The following RBM5 variants were observed in gnomAD, a reference collection of about 807,000 sequenced individuals.
RBM5 encodes the protein RNA binding motif protein 5, also known as RNA-binding protein 5.
RBM5 carries 15 observed loss-of-function variants against 124.6 expected under a neutral mutation model. That is an observed-to-expected ratio of 0.12 (90% CI 0.08 to 0.19). RBM5 has a LOEUF of 0.19. Among genes scored for constraint, RBM5 ranks in the 10% least tolerant of loss-of-function variants. RBM5 has a pLI of 1.00. For synonymous variants in RBM5, 337 were observed against 361.2 expected (o/e 0.93, Z 0.76); for missense variants, 580 against 1,026.5 (o/e 0.57, Z 5.94).
At chr3:50,112,019 C>A (rs13099211) in intron 17 of RBM5, 2 of 149,860 alleles carry the variant, frequency 1.3e-5, no homozygotes, top group African/African-American at 4.9e-5. Flanking sequence ...CCATCCACTT[C>A]TCTCATTTGT....
chr3:50,100,665 A>G lies in RBM5; in HGVS notation c.483+60A>G. On this transcript the variant is annotated intron_variant, in intron 6 of 24. Coordinates refer to ENST00000347869, the MANE Select transcript of RBM5 (RefSeq NM_005778.4). This position sits in a 1 kb window ranked among gnomAD's most constrained non-coding sequence, Gnocchi z 5.1. ...AATGGAACAAGTCTGTACAATTTTAAAAAAAGGTTGAAGGAGTGGTTTGTT... is the reference window on the plus strand; with the variant it reads ...AATGGAACAAGTCTGTACAATTTTAGAAAAAGGTTGAAGGAGTGGTTTGTT... 1 of 1,432,806 alleles carries G rather than the reference A, an allele frequency of 7.0e-7. No homozygotes were observed. The highest frequency in any genetic ancestry group is 9.7e-7 in the Non-Finnish European group (1 of 1,025,918). 88.8% of individuals were successfully genotyped at this position (1,432,806 alleles called of 1,614,324 possible). A position where few individuals can be genotyped will look rare whatever the true frequency, so the allele number is the denominator to read the frequency against.
At chr3:50,109,489 T>TGAA (rs1196275519) in intron 14 of RBM5, 114 bp from the exon 15 acceptor site, 1 of 789,038 alleles carries the variant, frequency 1.3e-6, no homozygotes. Flanking sequence ...AGTTAGCTTA[T>TGAA]GAAGAACTGA....
intron 17 of RBM5, 155 bp downstream of exon 17, chr3:50,110,925 T>C (rs2109013064): frequency 1.6e-6 from 1 of 621,760 alleles, no homozygotes; most frequent in South Asian, 2.4e-5. Context: ...TATATGGAGA[T>C]TGTAAGTTTT....
intron 22 of RBM5, 117 bp from the exon 23 acceptor site, chr3:50,116,957 A>G (rs1029100467): frequency 2.3e-5 from 21 of 915,194 alleles, no homozygotes; most frequent in African/African-American, 3.3e-5. Context: ...AGAGCAGTCT[A>G]AAAAAAGCAT....
intron 18 of RBM5, 103 bp downstream of exon 18, chr3:50,113,647 G>A: frequency 7.7e-7 from 1 of 1,306,384 alleles, no homozygotes; most frequent in Middle Eastern, 2.5e-4. Context: ...TTAAAAATTG[G>A]GCTTCACATT....
At chr3:50,112,481 GAC>G (rs2091165745) in intron 17 of RBM5, 1 of 148,012 alleles carries the variant, frequency 6.8e-6, no homozygotes, top group Non-Finnish European at 1.5e-5. Flanking sequence ...ACCCAGAAGA[GAC>G]AGACACTGTC....
intron 8 of RBM5, chr3:50,104,855 T>G (rs2109003729): frequency 2.3e-6 from 1 of 443,538 alleles, no homozygotes; most frequent in Non-Finnish European, 4.0e-6. Context: ...GCATCTGCCT[T>G]TCTTTAGTGC....
intron 22 of RBM5, 183 bp from the exon 23 acceptor site, chr3:50,116,891 T>C (rs891431246): frequency 1.7e-6 from 1 of 598,930 alleles, no homozygotes; most frequent in South Asian, 2.0e-5. Context: ...ATTTACAAAT[T>C]TAACATTTCA....
chr3:50,093,131 T>A, intron 3 of RBM5: 1 of 142,596 alleles, frequency 7.0e-6, no homozygotes, highest in East Asian at 2.1e-4. Flanking sequence ...AGAGGGAGAC[T>A]CTGTCTCAAA....
In RBM5 at chr3:50,107,486, T is replaced by C; in HGVS notation, c.958T>C (p.Leu320=). Residue 320 remains leucine (L), a synonymous_variant, in exon 12 of 25, where the codon TTG becomes CTG. Coordinates refer to ENST00000347869, the MANE Select transcript of RBM5 (RefSeq NM_005778.4). ...ATTGGATCTTTGTGGTTTCAGAGACTTGGTCCTCTCAGATGGTAACCGCGT... is the reference window on the plus strand; with the variant it reads ...ATTGGATCTTTGTGGTTTCAGAGACCTGGTCCTCTCAGATGGTAACCGCGT... ...VDFAKSARKD[L]VLSDGNRVSA... 1 of 1,595,580 alleles carries C rather than the reference T, an allele frequency of 6.3e-7. No individual in the cohort carries two copies. Among genetic ancestry groups the C allele is most frequent in the Non-Finnish European group, 8.6e-7 (1 of 1,163,448 alleles).
At chr3:50,093,206 G>C (rs1000550384) in intron 3 of RBM5, among the ~76,000 whole-genome samples, 1 of 147,988 alleles carries the variant, frequency 6.8e-6, no homozygotes, top group African/African-American at 2.5e-5. Flanking sequence ...TTGGGAGGCC[G>C]AGGCGGGCGG....
At chr3:50,108,204 G>A in intron 13 of RBM5, 28 bp from the exon 14 acceptor site, 1 of 1,606,026 alleles carries the variant, frequency 6.2e-7, no homozygotes, top group East Asian at 2.2e-5. Flanking sequence ...TCTGAGAATA[G>A]CAGCTTTAAT....
At chr3:50,104,177 C>G in intron 7 of RBM5, 71 bp from the exon 8 acceptor site, 1 of 1,320,846 alleles carries the variant, frequency 7.6e-7, no homozygotes, top group South Asian at 1.2e-5. Context: ...TACCCGTGGC[C>G]CCACTGTTAT....
At chr3:50,107,365 T>C in intron 11 of RBM5, 117 bp from the exon 12 acceptor site, 1 of 797,490 alleles carries the variant, frequency 1.3e-6, no homozygotes, top group Non-Finnish European at 2.1e-6. Flanking sequence ...CTGTGAAATG[T>C]GGCCTTGCTG....
chr3:50,104,565 T>A, intron 8 of RBM5: 1 of 436,342 alleles, frequency 2.3e-6, no homozygotes, highest in South Asian at 2.8e-5. Context: ...ATTGCTTGAG[T>A]CCAGGAGTTG....
At position 50,118,465 on chromosome 3, in the gene RBM5, G is replaced by A. The variant is rs755575923; in HGVS notation, c.*9G>A. On this transcript the variant is annotated 3_prime_UTR_variant, in exon 25 of 25. Transcript: ENST00000347869. ...TCACTGAGATGGAGTGAGAGAGAGA[G>A]AGAGAGAGAGATGACAAGGAGCACA... is the stretch of plus-strand genomic sequence containing the variant. 4.2e-5 allele frequency: 68 copies of A among 1,612,544 alleles called. No individual in the cohort carries two copies. The East Asian group carries it at 1.1e-3, about 26-fold the overall frequency.
At chr3:50,109,308 C>T (rs975389362) in intron 14 of RBM5, among the ~76,000 whole-genome samples, 4 of 152,298 alleles carry the variant, frequency 2.6e-5, no homozygotes, top group African/African-American at 9.6e-5. Context: ...CTCCTGACCT[C>T]GTGATCGGCT....
At chr3:50,095,669 G>A (rs369826450) in intron 4 of RBM5, among the ~76,000 whole-genome samples, 3 of 151,834 alleles carry the variant, frequency 2.0e-5, no homozygotes, top group East Asian at 1.9e-4. Context: ...CTTCTTCTTC[G>A]TTATTCTCTT....
intron 17 of RBM5, chr3:50,113,179 A>C: frequency 2.3e-6 from 1 of 436,486 alleles, no homozygotes; most frequent in East Asian, 4.0e-5. Context: ...TAAAGAAATC[A>C]TATTCTATTT....
Sources: allele counts gnomAD v4.1 joint callset (sites outside exome capture counted in the v4.1 genomes callset), GRCh38; gene constraint gnomAD v4.1.1; non-coding constraint Gnocchi (gnomAD v3.1); transcripts MANE v1.5; gene names NCBI Gene and HGNC (gene_info 2026-07-23, HGNC 2026-07-21).